Variants in ADGRL3 observed in about 807,000 individuals in gnomAD.
ADGRL3 encodes calcium-independent alpha-latrotoxin receptor 3.
A neutral mutation model predicts 153.5 loss-of-function variants in ADGRL3; 62 were observed. That is an observed-to-expected ratio of 0.40 (90% CI 0.33 to 0.50). The LOEUF (loss-of-function observed/expected upper bound fraction) is 0.50, where lower values mean the gene tolerates loss of function less well. Ranked by LOEUF, ADGRL3 falls within the 20% of genes least tolerant of loss-of-function variation. The pLI is 0.47. For missense variants in ADGRL3, 1,641 were observed against 1,859.4 expected (o/e 0.88, Z 2.16); for synonymous variants, 710 against 672.5 (o/e 1.06, Z -0.86).
chr4:61,301,032 G>T (rs919967995), intron 1 of ADGRL3, among the ~76,000 whole-genome samples: 1 of 152,090 alleles, frequency 6.6e-6, no homozygotes, highest in Admixed American at 6.5e-5. Flanking sequence ...GGAAGTGCTG[G>T]AATTACAGGC....
intron 13 of ADGRL3, among the ~76,000 whole-genome samples, chr4:61,931,899 C>G (rs1048527869): frequency 4.6e-5 from 7 of 151,804 alleles, no homozygotes; most frequent in African/African-American, 1.7e-4. Flanking sequence ...ATAAATGGTG[C>G]CTTTGATTTA....
intron 2 of ADGRL3, among the ~76,000 whole-genome samples, chr4:61,432,567 TCTCTTC>T (rs367781900): frequency 0.067 from 826 of 12,350 alleles, 73 homozygotes; most frequent in Middle Eastern, 1. Flanking sequence ...TTCTTTTCTT[TCTCTTC>T]CTTTCTTTCT....
intron 25 of ADGRL3, among the ~76,000 whole-genome samples, chr4:62,051,454 A>G (rs572321914): frequency 4.9e-4 from 74 of 151,554 alleles, no homozygotes; most frequent in African/African-American, 1.7e-3. Context: ...ATTGATGTCC[A>G]TCAATCCAGG....
At chr4:61,766,477 T>C (rs1361531149) in intron 8 of ADGRL3, among the ~76,000 whole-genome samples, 1 of 152,152 alleles carries the variant, frequency 6.6e-6, no homozygotes, top group African/African-American at 2.4e-5. Flanking sequence ...GTAAGAATTC[T>C]GACCTCGCTA....
chr4:61,602,922 A>G (rs1400994109), intron 5 of ADGRL3, among the ~76,000 whole-genome samples: 1 of 152,208 alleles, frequency 6.6e-6, no homozygotes, highest in East Asian at 1.9e-4. Context: ...ATTTTGAGCT[A>G]TGAAAATGTC....
chr4:61,269,379 A>G (rs563316405), intron 1 of ADGRL3, among the ~76,000 whole-genome samples: 73 of 151,782 alleles, frequency 4.8e-4, no homozygotes, highest in African/African-American at 1.7e-3. Flanking sequence ...AAATTTAACT[A>G]TTATCCACTT....
intron 1 of ADGRL3, among the ~76,000 whole-genome samples, chr4:61,256,909 T>C (rs1242338732): frequency 6.6e-6 from 1 of 152,198 alleles, no homozygotes; most frequent in Non-Finnish European, 1.5e-5. Context: ...AACAGTTTTT[T>C]TGATTCTCTT....
intron 1 of ADGRL3, among the ~76,000 whole-genome samples, 161 bp downstream of exon 1, chr4:61,201,926 G>A (rs1734844442): frequency 6.6e-6 from 1 of 152,074 alleles, no homozygotes; most frequent in Non-Finnish European, 1.5e-5. Flanking sequence ...TCCGGTCGTG[G>A]TGCGGGGCGG....
intron 9 of ADGRL3, among the ~76,000 whole-genome samples, chr4:61,822,402 A>T (rs2097764373): frequency 6.6e-6 from 1 of 152,100 alleles, no homozygotes; most frequent in Non-Finnish European, 1.5e-5. Flanking sequence ...CAAGGATCCT[A>T]TTACTTTTTT....
At chr4:61,774,393 G>T (rs1276699288) in intron 8 of ADGRL3, among the ~76,000 whole-genome samples, 1 of 147,350 alleles carries the variant, frequency 6.8e-6, no homozygotes, top group South Asian at 2.2e-4. Flanking sequence ...AAAAAATTCA[G>T]GAAAGGGAAA....
intron 2 of ADGRL3, 99 bp downstream of exon 2, chr4:61,383,288 G>T (rs1578557588): frequency 6.6e-6 from 1 of 151,530 alleles, no homozygotes; most frequent in Non-Finnish European, 1.5e-5. Context: ...TTATCATATT[G>T]AAACATCAGC....
chr4:61,261,037 T>TA (rs2092468066), intron 1 of ADGRL3, among the ~76,000 whole-genome samples: 1 of 152,100 alleles, frequency 6.6e-6, no homozygotes, highest in South Asian at 2.1e-4. Flanking sequence ...TCTCATTTGT[T>TA]ATTTGTATTA....
At chr4:61,587,142 C>A in intron 4 of ADGRL3, 85 bp from the exon 5 acceptor site, 2 of 809,092 alleles carry the variant, frequency 2.5e-6, no homozygotes, top group Non-Finnish European at 3.9e-6. Flanking sequence ...TTGATTTACC[C>A]CAAACATTGG....
At chr4:61,281,091 T>C (rs1428195227) in intron 1 of ADGRL3, among the ~76,000 whole-genome samples, 4 of 152,124 alleles carry the variant, frequency 2.6e-5, no homozygotes, top group Admixed American at 6.6e-5. Context: ...GTATTTATCA[T>C]ATATATACAT....
At chr4:62,039,003 A>C (rs1253633555) in intron 24 of ADGRL3, among the ~76,000 whole-genome samples, 6 of 151,612 alleles carry the variant, frequency 4.0e-5, no homozygotes, top group Admixed American at 2.0e-4. Flanking sequence ...AAATTGATAA[A>C]TAAACTTATA....
chr4:61,248,107 T>C (rs570776927), intron 1 of ADGRL3, among the ~76,000 whole-genome samples: 43 of 152,266 alleles, frequency 2.8e-4, no homozygotes, highest in African/African-American at 1.0e-3. Flanking sequence ...ATGTGTGAAA[T>C]GCAGTGTTGA....
At chr4:61,857,448 A>G (rs1405187931) in intron 9 of ADGRL3, among the ~76,000 whole-genome samples, 1 of 152,070 alleles carries the variant, frequency 6.6e-6, no homozygotes, top group Non-Finnish European at 1.5e-5. Flanking sequence ...GGGGATTTTA[A>G]TTTTCTGCCA....
At chr4:61,319,800 A>G (rs966791163) in intron 1 of ADGRL3, among the ~76,000 whole-genome samples, 5 of 152,208 alleles carry the variant, frequency 3.3e-5, no homozygotes, top group African/African-American at 1.2e-4. Flanking sequence ...GAGTAAGGTA[A>G]GGTGCTTCTG....
Position 61,296,280 on chromosome 4 carries a change from C to G in ADGRL3, c.-239-86844C>G, listed in dbSNP as rs564093223. ...ATGAAAAATCAGAATCAGAACTTGA[C>G]AGGTTGAGAGTCACAGGAAATGAAA... is the stretch of plus-strand genomic sequence containing the variant. On this transcript the variant is annotated intron_variant, in intron 1 of 26. Coordinates refer to ENST00000683033, the MANE Select transcript of ADGRL3 (RefSeq NM_001387552.1). Among the ~76,000 whole-genome samples, 22 of 152,070 alleles carry G rather than the reference C, an allele frequency of 1.4e-4. No homozygotes were observed. The South Asian group carries it at 4.4e-3, about 30-fold the overall frequency.
Sources: allele counts gnomAD v4.1 joint callset (sites outside exome capture counted in the v4.1 genomes callset), GRCh38; gene constraint gnomAD v4.1.1; transcripts MANE v1.5; gene names NCBI Gene and HGNC (gene_info 2026-07-23, HGNC 2026-07-21).